Variants in ST8SIA6 observed in about 807,000 individuals in gnomAD.
ST8SIA6 encodes the protein ST8 alpha-N-acetyl-neuraminide alpha-2,8-sialyltransferase 6, also known as alpha-2,8-sialyltransferase 8F.
ST8SIA6 carries 39 observed loss-of-function variants against 33.6 expected under a neutral mutation model. The ratio of observed to expected loss-of-function variants is 1.16; its 90% CI spans 0.90 to 1.52. The LOEUF is 1.52. Ranked by LOEUF, ST8SIA6 falls within the 40% of genes most tolerant of loss-of-function variation. ST8SIA6 has a pLI of 0.00. For synonymous variants in ST8SIA6, 172 were observed against 167.2 expected, an observed-to-expected ratio of 1.03 and a Z score of -0.22; for missense variants, 441 against 443.8, an observed-to-expected ratio of 0.99 and a Z score of 0.06.
chr10:17,416,431 T>A (rs1851610666), intron 2 of ST8SIA6, among the ~76,000 whole-genome samples: 1 of 152,246 alleles, frequency 6.6e-6, no homozygotes, highest in Non-Finnish European at 1.5e-5. Context: ...CAGACTCATT[T>A]ATATGGTCGA....
At chr10:17,450,529 T>G (rs1176875243) in intron 2 of ST8SIA6, among the ~76,000 whole-genome samples, 1 of 152,104 alleles carries the variant, frequency 6.6e-6, no homozygotes, top group African/African-American at 2.4e-5. Flanking sequence ...CAACCTCCCC[T>G]TCGTTGGTTC....
intron 2 of ST8SIA6, among the ~76,000 whole-genome samples, chr10:17,429,634 G>T (rs1166448187): frequency 6.6e-6 from 1 of 151,870 alleles, no homozygotes; most frequent in Admixed American, 6.6e-5. Flanking sequence ...ACAGGTGCAT[G>T]CCACCGTGCT....
chr10:17,398,387 A>C (rs983008749), intron 2 of ST8SIA6, among the ~76,000 whole-genome samples: 1 of 152,128 alleles, frequency 6.6e-6, no homozygotes, highest in Non-Finnish European at 1.5e-5. Flanking sequence ...GAAGGAAACA[A>C]ACTATTCAAT....
At chr10:17,378,110 G>C (rs1301578502) in intron 3 of ST8SIA6, among the ~76,000 whole-genome samples, 2 of 152,142 alleles carry the variant, frequency 1.3e-5, no homozygotes, top group Non-Finnish European at 2.9e-5. Flanking sequence ...GAATAGCTGA[G>C]AAAAGGTCTT....
intron 3 of ST8SIA6, among the ~76,000 whole-genome samples, chr10:17,380,918 C>CGT (rs796272662): frequency 5.7e-5 from 4 of 70,510 alleles, no homozygotes; most frequent in Non-Finnish European, 8.2e-5. Context: ...TGTGTTTGTG[C>CGT]GTGTGTGTGT....
chr10:17,433,384 A>G (rs1339193221), intron 2 of ST8SIA6, among the ~76,000 whole-genome samples: 3 of 152,252 alleles, frequency 2.0e-5, no homozygotes, highest in Non-Finnish European at 4.4e-5. Flanking sequence ...GATGTAAGAT[A>G]GAGCTTTAAT....
intron 2 of ST8SIA6, among the ~76,000 whole-genome samples, chr10:17,417,425 G>A (rs1223839601): frequency 1.3e-5 from 2 of 152,036 alleles, no homozygotes; most frequent in South Asian, 2.1e-4. Context: ...TGCCTTGAGC[G>A]TTCCTGTTAG....
At chr10:17,345,028 TCTTA>T (rs368544724) in intron 4 of ST8SIA6, among the ~76,000 whole-genome samples, 26,682 of 152,102 alleles carry the variant, frequency 0.18, 2,607 homozygotes, top group East Asian at 0.48. Flanking sequence ...CATGGAGAAC[TCTTA>T]GCTAGTGGGA....
At chr10:17,333,927 G>A (rs1488618341) in intron 4 of ST8SIA6, among the ~76,000 whole-genome samples, 1 of 149,170 alleles carries the variant, frequency 6.7e-6, no homozygotes, top group Non-Finnish European at 1.5e-5. Flanking sequence ...CAACCATGTT[G>A]GCCAGGCTGA....
At chr10:17,446,704 G>T (rs17446301) in intron 2 of ST8SIA6, among the ~76,000 whole-genome samples, 1 of 152,012 alleles carries the variant, frequency 6.6e-6, no homozygotes, top group African/African-American at 2.4e-5. Context: ...AGAACTATGC[G>T]AGACAGAAAA....
Position 17,390,601 on chromosome 10 carries a change from A to G in ST8SIA6, c.220T>C (p.Ser74Pro), listed in dbSNP as rs1418368575. ...TTGCATTTCTCCGTCAGTTGGAGCG[A>G]CTTCTCATTCAGATATGTGCTGTTT... ...ATNSTYLNEKSLQLTEKCKNL... is the reference protein window; with the variant it reads ...ATNSTYLNEKPLQLTEKCKNL... The change falls in exon 3 of 8, where the codon TCG becomes CCG. Residue 74 changes from serine (S) to proline (P), a missense_variant. Physicochemically the swap from Ser to Pro is moderately conservative, Grantham distance 74 (BLOSUM62 -1). Coordinates refer to ENST00000377602, the MANE Select transcript of ST8SIA6 (RefSeq NM_001004470.3). 1 of 1,613,918 alleles carries G rather than the reference A, an allele frequency of 6.2e-7. No individual in the cohort carries two copies.
chr10:17,343,253 C>T (rs1307492755), intron 4 of ST8SIA6, among the ~76,000 whole-genome samples: 1 of 151,938 alleles, frequency 6.6e-6, no homozygotes, highest in Non-Finnish European at 1.5e-5. Flanking sequence ...AACTATGGTC[C>T]AGGAAGAAAG....
rs1330275467 is a variant in ST8SIA6, at chr10:17,317,055, A to G, written c.*3823T>C. 6.6e-6 allele frequency among the ~76,000 whole-genome samples: 1 copy of G among 152,156 alleles called. No individual in the cohort carries two copies. Among genetic ancestry groups the G allele is most frequent in the Non-Finnish European group, 1.5e-5 (1 of 68,014 alleles). ...CCTGTATCTCAAACATAATTCTCCT[A>G]CATTTTCTTCTATGAGCTTTAAAGT... On this transcript the variant is annotated 3_prime_UTR_variant, in exon 8 of 8. Transcript: ENST00000377602.
intron 2 of ST8SIA6, among the ~76,000 whole-genome samples, chr10:17,424,988 G>A (rs559785935): frequency 2.6e-5 from 4 of 152,066 alleles, no homozygotes; most frequent in African/African-American, 9.6e-5. Context: ...TCCCGCCTCA[G>A]CCTCCCAAAA....
chr10:17,454,399 G>C lies in ST8SIA6; in HGVS notation c.-144C>G, dbSNP rs1853043431. ...CACAGCGTTCACAGGCGGCAGCGAG[G>C]GGCGCCCGCAGCCCACCCGGCAGAG... On this transcript the variant is annotated 5_prime_UTR_variant, in exon 1 of 8. Coordinates refer to ENST00000377602, the MANE Select transcript of ST8SIA6 (RefSeq NM_001004470.3). This position sits in a 1 kb window ranked among gnomAD's most constrained non-coding sequence, Gnocchi z 4.1. 6.3e-6 allele frequency: 1 copy of C among 158,790 alleles called. No homozygotes were observed. The highest frequency in any genetic ancestry group is 1.4e-5 in the Non-Finnish European group (1 of 72,652). 9.8% of individuals were successfully genotyped at this position (158,790 alleles called of 1,614,324 possible). A position where few individuals can be genotyped will look rare whatever the true frequency, so the allele number is the denominator to read the frequency against.
chr10:17,372,464 A>G (rs1241828996), intron 3 of ST8SIA6, among the ~76,000 whole-genome samples: 1 of 152,230 alleles, frequency 6.6e-6, no homozygotes, highest in African/African-American at 2.4e-5. Context: ...CAGCTCTGCT[A>G]TTTGTAACTG....
chr10:17,334,367 A>C (rs993383156), intron 4 of ST8SIA6, among the ~76,000 whole-genome samples: 1 of 151,332 alleles, frequency 6.6e-6, no homozygotes, highest in Non-Finnish European at 1.5e-5. Flanking sequence ...GTGAAACCCC[A>C]TTTCTACTAA....
At chr10:17,373,329 A>C (rs1849792955) in intron 3 of ST8SIA6, among the ~76,000 whole-genome samples, 1 of 152,172 alleles carries the variant, frequency 6.6e-6, no homozygotes, top group South Asian at 2.1e-4. Context: ...CCCACCCCAA[A>C]GTGAATATGG....
intron 2 of ST8SIA6, among the ~76,000 whole-genome samples, chr10:17,404,545 C>T (rs946370228): frequency 2.9e-4 from 44 of 152,112 alleles, no homozygotes; most frequent in Admixed American, 2.8e-3. Context: ...GTCAGTTTGG[C>T]CAGAATCCCC....
Sources: gnomAD v4.1 joint callset for allele counts (sites outside exome capture counted in the v4.1 genomes callset) on GRCh38, gnomAD v4.1.1 for gene constraint, Gnocchi (gnomAD v3.1) non-coding constraint, MANE v1.5 for transcripts, NCBI Gene and HGNC (gene_info 2026-07-23, HGNC 2026-07-21) for gene names.